Variants in NCAM2 observed in about 807,000 individuals in gnomAD.
The protein encoded by NCAM2 is N-CAM-2.
Under a neutral mutation model 98.1 loss-of-function variants are expected in NCAM2, and 30 were observed. That is an observed-to-expected ratio of 0.31 (90% CI 0.23 to 0.41). NCAM2 has a LOEUF of 0.41. Ranked by LOEUF, NCAM2 falls within the 10% of genes least tolerant of loss-of-function variation. The pLI, the probability that NCAM2 is intolerant of heterozygous loss-of-function variation, is 1.00. For synonymous variants in NCAM2, 368 were observed against 342.4 expected (o/e 1.07, Z -0.83); for missense variants, 867 against 1,005.8 (o/e 0.86, Z 1.87).
intron 1 of NCAM2, among the ~76,000 whole-genome samples, chr21:21,220,071 C>A (rs2070079270): frequency 6.6e-6 from 1 of 151,022 alleles, no homozygotes; most frequent in South Asian, 2.1e-4. Context: ...AAAAAAAAAA[C>A]CTTTATAAAG....
intron 1 of NCAM2, among the ~76,000 whole-genome samples, chr21:21,038,859 T>C (rs184829479): frequency 6.7e-4 from 102 of 152,282 alleles, no homozygotes; most frequent in African/African-American, 2.4e-3. Flanking sequence ...GTGTGAGGAA[T>C]ACGAAGGCCG....
At chr21:21,281,130 A>G (rs528997317) in intron 2 of NCAM2, among the ~76,000 whole-genome samples, 1 of 152,274 alleles carries the variant, frequency 6.6e-6, no homozygotes, top group Admixed American at 6.5e-5. Flanking sequence ...GTTAATAGCC[A>G]TAACTTGCAT....
intron 1 of NCAM2, among the ~76,000 whole-genome samples, chr21:21,220,682 A>C (rs903839897): frequency 6.6e-6 from 1 of 152,138 alleles, no homozygotes; most frequent in Non-Finnish European, 1.5e-5. Flanking sequence ...TAATTCTTCA[A>C]AATCATACTC....
intron 12 of NCAM2, 134 bp downstream of exon 12, chr21:21,432,415 C>T: frequency 1.3e-6 from 1 of 753,400 alleles, no homozygotes; most frequent in Middle Eastern, 3.9e-4. Context: ...ATTTTCTGTG[C>T]CCCATTCTTC....
At chr21:21,252,523 T>C (rs1416625898) in intron 1 of NCAM2, among the ~76,000 whole-genome samples, 1 of 151,936 alleles carries the variant, frequency 6.6e-6, no homozygotes, top group Non-Finnish European at 1.5e-5. Context: ...CCAAAGCACC[T>C]GAGAGCTACG....
chr21:21,164,318 C>CT (rs1399923967), intron 1 of NCAM2, among the ~76,000 whole-genome samples: 1 of 152,034 alleles, frequency 6.6e-6, no homozygotes, highest in Non-Finnish European at 1.5e-5. Context: ...ATTACAAATA[C>CT]TTTTTTGGAA....
intron 1 of NCAM2, among the ~76,000 whole-genome samples, chr21:21,035,220 C>A (rs572659365): frequency 6.6e-6 from 1 of 152,236 alleles, no homozygotes; most frequent in African/African-American, 2.4e-5. Flanking sequence ...CTGGATATAT[C>A]TGAAAATAGC....
intron 1 of NCAM2, among the ~76,000 whole-genome samples, chr21:21,260,362 T>C (rs78546142): frequency 0.014 from 2,146 of 151,982 alleles, 46 homozygotes; most frequent in African/African-American, 0.049. Context: ...CACCTGCAAG[T>C]TACAGTACAA....
intron 14 of NCAM2, among the ~76,000 whole-genome samples, chr21:21,472,415 G>A (rs1021319441): frequency 1.3e-5 from 2 of 151,906 alleles, no homozygotes; most frequent in East Asian, 1.9e-4. Context: ...AGTTAATAAT[G>A]TTTATGTATG....
At chr21:21,295,937 C>G (rs554476225) in intron 5 of NCAM2, among the ~76,000 whole-genome samples, 62 of 151,836 alleles carry the variant, frequency 4.1e-4, no homozygotes, top group African/African-American at 1.5e-3. Context: ...TTTTCACTTT[C>G]CCTGATGGTG....
At chr21:21,020,154 G>A (rs2064400587) in intron 1 of NCAM2, among the ~76,000 whole-genome samples, 1 of 152,024 alleles carries the variant, frequency 6.6e-6, no homozygotes, top group Non-Finnish European at 1.5e-5. Flanking sequence ...TCCTGCCTCA[G>A]CCTCCCGAGT....
At chr21:21,325,752 C>G (rs1004564579) in intron 6 of NCAM2, among the ~76,000 whole-genome samples, 1 of 151,956 alleles carries the variant, frequency 6.6e-6, no homozygotes, top group African/African-American at 2.4e-5. Context: ...ACAGAGATTT[C>G]TTTTTTCTTA....
At chr21:21,099,934 G>T (rs2066206340) in intron 1 of NCAM2, among the ~76,000 whole-genome samples, 1 of 150,092 alleles carries the variant, frequency 6.7e-6, no homozygotes, top group Middle Eastern at 3.4e-3. Context: ...GCTTTCTATT[G>T]ATCAGCACAG....
intron 17 of NCAM2, among the ~76,000 whole-genome samples, chr21:21,536,981 A>T (rs1490526161): frequency 6.6e-6 from 1 of 152,168 alleles, no homozygotes; most frequent in Non-Finnish European, 1.5e-5. Context: ...AGACAAAAGA[A>T]AACATATACA....
chr21:21,130,875 T>G (rs776374235), intron 1 of NCAM2, among the ~76,000 whole-genome samples: 67 of 152,302 alleles, frequency 4.4e-4, no homozygotes, highest in Non-Finnish European at 7.8e-4. Flanking sequence ...TTAGTTCACA[T>G]TTTTCTAAAT....
At chr21:21,303,508 C>T (rs190372099) in intron 5 of NCAM2, among the ~76,000 whole-genome samples, 2,653 of 152,038 alleles carry the variant, frequency 0.017, 29 homozygotes, top group Non-Finnish European at 0.027. Flanking sequence ...TCACAATTTT[C>T]TTACCCATTC....
At chr21:21,094,168 T>A (rs2066070522) in intron 1 of NCAM2, among the ~76,000 whole-genome samples, 1 of 151,918 alleles carries the variant, frequency 6.6e-6, no homozygotes, top group Non-Finnish European at 1.5e-5. Context: ...CTGTACATGC[T>A]GAATATTGAA....
At chr21:21,068,502 C>T (rs1167453214) in intron 1 of NCAM2, among the ~76,000 whole-genome samples, 1 of 148,628 alleles carries the variant, frequency 6.7e-6, no homozygotes, top group Non-Finnish European at 1.5e-5. Flanking sequence ...CTGTGTAGCC[C>T]AGGCTGGAGT....
intron 9 of NCAM2, among the ~76,000 whole-genome samples, chr21:21,384,868 A>G (rs73894643): frequency 0.02 from 3,082 of 152,196 alleles, 89 homozygotes; most frequent in African/African-American, 0.071. Flanking sequence ...TAGAAAAAAT[A>G]TCACGAGATA....
Sources: allele counts gnomAD v4.1 joint callset (sites outside exome capture counted in the v4.1 genomes callset), GRCh38; gene constraint gnomAD v4.1.1; transcripts MANE v1.5; gene names NCBI Gene and HGNC (gene_info 2026-07-23, HGNC 2026-07-21).